The following FAAH2 variants were observed in gnomAD, a reference collection of about 807,000 sequenced individuals.
The protein encoded by FAAH2 is fatty acid amide hydrolase 2.
In FAAH2, 60 loss-of-function variants were observed where a neutral mutation model predicts 36.9. The observed-to-expected ratio is 1.63, with a 90% confidence interval of 1.32 to 2.02. FAAH2 has a LOEUF of 2.02. Ranked by LOEUF, FAAH2 falls within the 30% of genes most tolerant of loss-of-function variation. The pLI is 0.00. For missense variants in FAAH2, 689 were observed against 397.5 expected (o/e 1.73, Z -6.23); for synonymous variants, 214 against 143.8 (o/e 1.49, Z -3.49).
chrX:57,386,469 T>C (rs1198704198), intron 7 of FAAH2, among the ~76,000 whole-genome samples: 2 of 111,457 alleles, frequency 1.8e-5, no homozygotes, highest in Admixed American at 9.6e-5. Flanking sequence ...GGAGGATAAA[T>C]GCAAAATTAT....
the FAAH2 span, among the ~76,000 whole-genome samples, chrX:57,215,599 A>T: frequency 9.0e-6 from 1 of 111,474 alleles, no homozygotes; most frequent in African/African-American, 3.3e-5. Context: ...CTTAAAGAAA[A>T]TGTGGTACAT....
the FAAH2 span, among the ~76,000 whole-genome samples, chrX:57,123,750 C>A: frequency 8.9e-6 from 1 of 112,409 alleles, no homozygotes; most frequent in East Asian, 2.8e-4. Flanking sequence ...TCTCTGATGG[C>A]CAGTGATGAA....
chrX:57,230,901 C>G, the FAAH2 span, among the ~76,000 whole-genome samples: 1 of 111,151 alleles, frequency 9.0e-6, no homozygotes, highest in Non-Finnish European at 1.9e-5. Flanking sequence ...ATTTTCTCTC[C>G]TAGTTCTTGC....
chrX:57,192,180 C>A, the FAAH2 span, among the ~76,000 whole-genome samples: 1 of 110,906 alleles, frequency 9.0e-6, no homozygotes, highest in Non-Finnish European at 1.9e-5. Context: ...AGAAGCCTTT[C>A]ACTTCTTTGG....
the FAAH2 span, among the ~76,000 whole-genome samples, chrX:57,205,416 C>A: frequency 1.5e-4 from 17 of 112,429 alleles, no homozygotes; most frequent in South Asian, 3.3e-3. Context: ...AAAAAGCATG[C>A]ATTCTACTCC....
the FAAH2 span, among the ~76,000 whole-genome samples, chrX:57,272,442 G>C: frequency 9.0e-6 from 1 of 111,241 alleles, no homozygotes; most frequent in African/African-American, 3.3e-5. Context: ...GCAACCCCAA[G>C]ACACATAATT....
chrX:57,300,394 G>A (rs759730993), intron 2 of FAAH2, among the ~76,000 whole-genome samples: 58 of 111,871 alleles, frequency 5.2e-4, no homozygotes, highest in African/African-American at 1.5e-3. Context: ...TGTGAAAACC[G>A]GCTAGCTATA....
At chrX:57,124,787 A>G in the FAAH2 span, among the ~76,000 whole-genome samples, 1 of 111,945 alleles carries the variant, frequency 8.9e-6, no homozygotes, top group Non-Finnish European at 1.9e-5. Flanking sequence ...GAGTTCACTC[A>G]TGATTTGGCT....
intron 7 of FAAH2, among the ~76,000 whole-genome samples, chrX:57,417,208 C>T (rs1276377469): frequency 1.8e-5 from 2 of 111,754 alleles, no homozygotes; most frequent in African/African-American, 3.3e-5. Context: ...TATTAACCAC[C>T]TTCTGAAGCC....
At chrX:57,455,833 T>A (rs1441126016) in intron 10 of FAAH2, among the ~76,000 whole-genome samples, 1 of 112,008 alleles carries the variant, frequency 8.9e-6, no homozygotes, top group African/African-American at 3.2e-5. Flanking sequence ...TGGAAAGATT[T>A]AGACAGCCAC....
chrX:57,299,220 A>C (rs2052251193), intron 2 of FAAH2, among the ~76,000 whole-genome samples: 1 of 112,164 alleles, frequency 8.9e-6, no homozygotes, highest in African/African-American at 3.2e-5. Context: ...AATGCTGGCA[A>C]ACCGAATCCA....
chrX:57,122,105 T>C, the FAAH2 span: 1 of 111,634 alleles, frequency 9.0e-6, no homozygotes, highest in Admixed American at 9.5e-5. Flanking sequence ...GTGAACACTA[T>C]CTACATTTTA....
At chrX:57,271,469 G>A in the FAAH2 span, among the ~76,000 whole-genome samples, 4 of 112,364 alleles carry the variant, frequency 3.6e-5, no homozygotes, top group Admixed American at 1.9e-4. Flanking sequence ...GTACTGACTA[G>A]GAGACACCTC....
intron 7 of FAAH2, among the ~76,000 whole-genome samples, chrX:57,416,252 A>T (rs2055838919): frequency 9.0e-6 from 1 of 111,475 alleles, no homozygotes; most frequent in African/African-American, 3.3e-5. Context: ...GTTATGTGCG[A>T]ATTTGATCCT....
chrX:57,284,935 C>T (rs2051789528), upstream of FAAH2, among the ~76,000 whole-genome samples: 1 of 111,701 alleles, frequency 9.0e-6, no homozygotes, highest in African/African-American at 3.3e-5. Context: ...TGGTCAGAGC[C>T]CAATCAGTGA....
chrX:57,423,803 G>A (rs1416713235), intron 7 of FAAH2, among the ~76,000 whole-genome samples: 1 of 110,922 alleles, frequency 9.0e-6, no homozygotes, highest in African/African-American at 3.3e-5. Flanking sequence ...ACAGACAACA[G>A]GACCACGCCC....
chrX:57,160,460 T>C, the FAAH2 span, among the ~76,000 whole-genome samples: 2 of 111,837 alleles, frequency 1.8e-5, no homozygotes, highest in African/African-American at 6.5e-5. Context: ...GCTGTGAATC[T>C]GTCTGTTCCT....
At chrX:57,486,647 C>T (rs1375198842) in intron 10 of FAAH2, among the ~76,000 whole-genome samples, 1 of 111,520 alleles carries the variant, frequency 9.0e-6, no homozygotes, top group Non-Finnish European at 1.9e-5. Context: ...TGGAATGAGA[C>T]AAGAGTGAGC....
intron 7 of FAAH2, among the ~76,000 whole-genome samples, chrX:57,420,808 A>C (rs1468644822): frequency 9.1e-6 from 1 of 110,086 alleles, no homozygotes; most frequent in African/African-American, 3.3e-5. Context: ...CAGTTTTCAA[A>C]GGGAATGCTT....
Sources: gnomAD v4.1 joint callset for allele counts (sites outside exome capture counted in the v4.1 genomes callset) on GRCh38, gnomAD v4.1.1 for gene constraint, MANE v1.5 for transcripts, NCBI Gene and HGNC (gene_info 2026-07-23, HGNC 2026-07-21) for gene names.